The following DGLUCY variants were observed in gnomAD, a reference collection of about 807,000 sequenced individuals.
DGLUCY encodes the protein D-glutamate cyclase, also known as D-glutamate cyclase, mitochondrial.
A neutral mutation model predicts 58.5 loss-of-function variants in DGLUCY; 58 were observed. The ratio of observed to expected loss-of-function variants is 0.99; its 90% CI spans 0.80 to 1.23. The LOEUF is 1.23. DGLUCY is among the 50% of genes most tolerant of loss of function. The probability of loss-of-function intolerance (pLI) is 0.00; values close to 1 mark genes in which losing one functional copy is unlikely to be tolerated. For synonymous variants in DGLUCY, 325 were observed against 314.1 expected, an observed-to-expected ratio of 1.03 and a Z score of -0.37; for missense variants, 779 against 784.7, an observed-to-expected ratio of 0.99 and a Z score of 0.09.
In DGLUCY at chr14:91,157,629, G is replaced by A. The variant is rs563988847; in HGVS notation, c.-81-10G>A. 1 of 150,226 alleles carries A rather than the reference G, an allele frequency of 6.7e-6. No homozygotes were observed. The highest frequency in any genetic ancestry group is 1.5e-5 in the Non-Finnish European group (1 of 67,488). The allele number at this position is 150,226 out of a possible 1,614,324, so 9.3% of individuals were successfully genotyped here. A position where few individuals can be genotyped will look rare whatever the true frequency, so the allele number is the denominator to read the frequency against. ...TGTATATTGAAGGCATTTTTTTTTT[G>A]ACTTTGCAGGAGCCAAGTTACACCC... On this transcript the variant is annotated splice_polypyrimidine_tract_variant and intron_variant, in intron 1 of 13. Coordinates refer to ENST00000256324, the MANE Select transcript of DGLUCY (RefSeq NM_001102368.3).
intron 12 of DGLUCY, 37 bp from the exon 13 acceptor site, chr14:91,215,368 T>C (rs1886357386): frequency 1.3e-6 from 2 of 1,572,208 alleles, no homozygotes; most frequent in Non-Finnish European, 1.7e-6. Flanking sequence ...ACATGACTTT[T>C]CCAACTCCAT....
intron 1 of DGLUCY, among the ~76,000 whole-genome samples, chr14:91,092,565 G>A (rs2044329723): frequency 6.6e-6 from 1 of 152,216 alleles, no homozygotes; most frequent in Non-Finnish European, 1.5e-5. Context: ...ACACATTTGA[G>A]AAACAGTAGT....
chr14:91,099,446 T>C (rs1017403395), intron 1 of DGLUCY, among the ~76,000 whole-genome samples: 1 of 151,096 alleles, frequency 6.6e-6, no homozygotes, highest in Non-Finnish European at 1.5e-5. Flanking sequence ...AGTGGGAGGA[T>C]TGTTTGAGCC....
chr14:91,163,118 G>A (rs1395886074), intron 3 of DGLUCY, among the ~76,000 whole-genome samples: 2 of 151,952 alleles, frequency 1.3e-5, no homozygotes, highest in Non-Finnish European at 2.9e-5. Context: ...GAATTAGCCA[G>A]GTGTGGGGGC....
intron 1 of DGLUCY, among the ~76,000 whole-genome samples, chr14:91,154,255 G>A (rs1272525169): frequency 6.6e-6 from 1 of 152,198 alleles, no homozygotes; most frequent in Non-Finnish European, 1.5e-5. Flanking sequence ...CAATCTATGT[G>A]TGAGATTGAT....
intron 12 of DGLUCY, 43 bp downstream of exon 12, chr14:91,204,868 G>A: frequency 3.7e-6 from 6 of 1,612,354 alleles, no homozygotes; most frequent in South Asian, 1.1e-5. Flanking sequence ...GCTACCCAGG[G>A]TGAGCGACCT....
intron 1 of DGLUCY, among the ~76,000 whole-genome samples, chr14:91,119,852 A>G (rs919054086): frequency 6.6e-6 from 1 of 152,174 alleles, no homozygotes; most frequent in Non-Finnish European, 1.5e-5. Context: ...TGAGTCTTTC[A>G]GTCTTCATCT....
At chr14:91,164,930 G>A (rs2048194015) in intron 3 of DGLUCY, among the ~76,000 whole-genome samples, 1 of 152,236 alleles carries the variant, frequency 6.6e-6, no homozygotes, top group Non-Finnish European at 1.5e-5. Context: ...CTGCAGGGTG[G>A]TGAGTTCCCC....
chr14:91,179,814 G>T (rs889073216), intron 7 of DGLUCY, among the ~76,000 whole-genome samples: 4 of 147,500 alleles, frequency 2.7e-5, no homozygotes, highest in Admixed American at 2.7e-4. Context: ...TCTGAAACAA[G>T]CACTTTGCTG....
intron 1 of DGLUCY, among the ~76,000 whole-genome samples, chr14:91,081,887 C>T (rs927511921): frequency 2.0e-5 from 3 of 151,900 alleles, no homozygotes; most frequent in Non-Finnish European, 4.4e-5. Context: ...ATCACAGGTG[C>T]GTGCCACCAC....
chr14:91,207,245 A>G (rs1884898240), intron 12 of DGLUCY, among the ~76,000 whole-genome samples: 1 of 151,532 alleles, frequency 6.6e-6, no homozygotes, highest in African/African-American at 2.4e-5. Flanking sequence ...GCTTATTAGT[A>G]GACCGGACAT....
At chr14:91,098,256 AGACC>A (rs1384428365) in intron 1 of DGLUCY, among the ~76,000 whole-genome samples, 1 of 152,040 alleles carries the variant, frequency 6.6e-6, no homozygotes, top group East Asian at 1.9e-4. Context: ...CAGGAGTTAG[AGACC>A]AGCCTGGGCA....
intron 1 of DGLUCY, among the ~76,000 whole-genome samples, chr14:91,139,732 T>A (rs1030627691): frequency 6.6e-6 from 1 of 152,210 alleles, no homozygotes; most frequent in Non-Finnish European, 1.5e-5. Context: ...TGTGATACAA[T>A]CAAGGTGACA....
chr14:91,116,440 G>A (rs2044947994), intron 1 of DGLUCY, among the ~76,000 whole-genome samples: 1 of 152,212 alleles, frequency 6.6e-6, no homozygotes, highest in Non-Finnish European at 1.5e-5. Flanking sequence ...CAGCTCTCTG[G>A]AAGACCAAGC....
intron 1 of DGLUCY, among the ~76,000 whole-genome samples, chr14:91,151,804 G>A (rs973787798): frequency 6.6e-5 from 10 of 151,814 alleles, no homozygotes; most frequent in African/African-American, 9.7e-5. Flanking sequence ...ACAGGCGTGC[G>A]CCTCCACACC....
chr14:91,064,793 A>G (rs1258999897), intron 1 of DGLUCY, among the ~76,000 whole-genome samples: 1 of 152,168 alleles, frequency 6.6e-6, no homozygotes, highest in Non-Finnish European at 1.5e-5. Context: ...TGAGGTCTAG[A>G]AAGATCCACT....
chr14:91,176,279 G>T (rs773846831), intron 7 of DGLUCY, among the ~76,000 whole-genome samples: 1 of 152,092 alleles, frequency 6.6e-6, no homozygotes, highest in Non-Finnish European at 1.5e-5. Context: ...AGGCTAGAGT[G>T]CTGTGGTGCA....
chr14:91,217,245 C>T (rs149201512), intron 13 of DGLUCY, among the ~76,000 whole-genome samples: 347 of 152,286 alleles, frequency 2.3e-3, no homozygotes, highest in African/African-American at 7.7e-3. Context: ...TGTGACTTCA[C>T]CTGTGAGCAG....
intron 1 of DGLUCY, among the ~76,000 whole-genome samples, chr14:91,141,907 G>A (rs910368304): frequency 1.3e-5 from 2 of 149,970 alleles, no homozygotes; most frequent in African/African-American, 4.9e-5. Flanking sequence ...GTGCAGTGGC[G>A]TGATCTCGGC....
Sources: gnomAD v4.1 joint callset for allele counts (sites outside exome capture counted in the v4.1 genomes callset) on GRCh38, gnomAD v4.1.1 for gene constraint, MANE v1.5 for transcripts, NCBI Gene and HGNC (gene_info 2026-07-23, HGNC 2026-07-21) for gene names.